The following NT5C2 variants were observed in gnomAD, a reference collection of about 807,000 sequenced individuals.
The protein encoded by NT5C2 is cytosolic purine 5'-nucleotidase.
In NT5C2, 58 loss-of-function variants were observed where a neutral mutation model predicts 76.1. The observed-to-expected ratio is 0.76, with a 90% CI of 0.62 to 0.95. The LOEUF (loss-of-function observed/expected upper bound fraction) is 0.95, where lower values mean the gene tolerates loss of function less well. Among genes scored for constraint, NT5C2 ranks in the 40% least tolerant of loss-of-function variants. The pLI is 0.00. For missense variants in NT5C2, 478 were observed against 690.3 expected, an observed-to-expected ratio of 0.69 and a Z score of 3.45; for synonymous variants, 229 against 237.4, an observed-to-expected ratio of 0.96 and a Z score of 0.32.
chr10:103,120,714 T>G (rs1351392562), intron 4 of NT5C2, among the ~76,000 whole-genome samples: 1 of 152,240 alleles, frequency 6.6e-6, no homozygotes, highest in Non-Finnish European at 1.5e-5. Context: ...TTACAGCCAC[T>G]ATAGAGAACA....
chr10:103,161,421 T>C (rs2084850429), intron 3 of NT5C2, among the ~76,000 whole-genome samples: 1 of 152,118 alleles, frequency 6.6e-6, no homozygotes, highest in Non-Finnish European at 1.5e-5. Flanking sequence ...TATGATGCAA[T>C]TTGCCCGTCT....
Position 103,089,585 on chromosome 10 carries a change from G to A in NT5C2, c.*87C>T, listed in dbSNP as rs1314101653. 2.1e-5 allele frequency: 31 copies of A among 1,444,532 alleles called. No individual in the cohort carries two copies. In the East Asian group the frequency reaches 2.5e-4, roughly 12 times the overall value. The allele number at this position is 1,444,532 out of a possible 1,614,324, so 89.5% of individuals were successfully genotyped here. A position where few individuals can be genotyped will look rare whatever the true frequency, so the allele number is the denominator to read the frequency against. On this transcript the variant is annotated 3_prime_UTR_variant, in exon 19 of 19. Transcript: ENST00000404739. ...TTTCATGGAGCCCCCTCCCTCCCCCGAGTAGAACCCTAACAGGGACCTCGT... is the reference window on the plus strand; with the variant it reads ...TTTCATGGAGCCCCCTCCCTCCCCCAAGTAGAACCCTAACAGGGACCTCGT...
At chr10:103,101,992 T>C (rs1446266719) in intron 6 of NT5C2, among the ~76,000 whole-genome samples, 45 of 152,064 alleles carry the variant, frequency 3.0e-4, no homozygotes, top group Admixed American at 2.9e-3. Context: ...TTCTACACCA[T>C]TTAGGGGCAA....
Position 103,093,690 on chromosome 10 carries a change from T to C in NT5C2, c.988+282A>G, listed in dbSNP as rs1278914575. ...TCCTTGAGAAACCCTTGAGAACATA[T>C]TGAGAAGTACCCCCAAGTGATTCGA... On this transcript the variant is annotated intron_variant, in intron 14 of 18. Coordinates refer to ENST00000404739, the MANE Select transcript of NT5C2 (RefSeq NM_001351169.2). The C allele has an allele frequency of 6.9e-6, 3 of 435,788 alleles. No individual in the cohort carries two copies. The East Asian group carries it at 1.1e-4, about 16-fold the overall frequency. 27.0% of individuals were successfully genotyped at this position (435,788 alleles called of 1,614,324 possible).
At chr10:103,093,740 G>T in intron 14 of NT5C2, 1 of 498,568 alleles carries the variant, frequency 2.0e-6, no homozygotes, top group South Asian at 3.4e-5. Context: ...GCCTCCAATA[G>T]GATTTAAAAA....
intron 2 of NT5C2, among the ~76,000 whole-genome samples, chr10:103,175,307 T>C (rs985414199): frequency 3.9e-5 from 6 of 152,200 alleles, no homozygotes; most frequent in Non-Finnish European, 5.9e-5. Context: ...TGAAGATATA[T>C]AATTTTAAGT....
chr10:103,089,578 C>A lies in NT5C2; in HGVS notation c.*94G>T. Reference sequence around the variant, plus strand: ...ACGTACCTTTCATGGAGCCCCCTCCCTCCCCCGAGTAGAACCCTAACAGGG... The same window carrying A: ...ACGTACCTTTCATGGAGCCCCCTCCATCCCCCGAGTAGAACCCTAACAGGG... On this transcript the variant is annotated 3_prime_UTR_variant, in exon 19 of 19. Transcript: ENST00000404739. 1 of 1,432,352 alleles carries A rather than the reference C, an allele frequency of 7.0e-7. No individual in the cohort carries two copies. The highest frequency in any genetic ancestry group is 9.2e-7 in the Non-Finnish European group (1 of 1,091,274). 88.7% of individuals were successfully genotyped at this position (1,432,352 alleles called of 1,614,324 possible). A position where few individuals can be genotyped will look rare whatever the true frequency, so the allele number is the denominator to read the frequency against.
intron 6 of NT5C2, among the ~76,000 whole-genome samples, chr10:103,104,088 T>G (rs1040587790): frequency 2.0e-5 from 3 of 152,230 alleles, no homozygotes; most frequent in Admixed American, 1.3e-4. Flanking sequence ...TCAAGAAGTC[T>G]TCTTGCCTTG....
chr10:103,129,824 T>A (rs2077688431), intron 4 of NT5C2, among the ~76,000 whole-genome samples: 1 of 79,494 alleles, frequency 1.3e-5, no homozygotes. Flanking sequence ...CGGCCGCCCC[T>A]ACTGGGAAGT....
chr10:103,177,969 C>G (rs1423171032), intron 2 of NT5C2, among the ~76,000 whole-genome samples: 1 of 152,216 alleles, frequency 6.6e-6, no homozygotes, highest in Non-Finnish European at 1.5e-5. Context: ...AACAACCAAT[C>G]TGGACTCTGT....
Position 103,193,253 on chromosome 10 carries a change from A to C in NT5C2, c.-186T>G, listed in dbSNP as rs868741214. ...GCACTCACCGGCTCCAGCGCACCGC[A>C]ACAATCCCAGCGCGCAACTGCCGCA... On this transcript the variant is annotated 5_prime_UTR_variant, in exon 1 of 19. Coordinates refer to ENST00000404739, the MANE Select transcript of NT5C2 (RefSeq NM_001351169.2). 2.4e-4 allele frequency: 37 copies of C among 151,250 alleles called. No homozygotes were observed. The highest frequency in any genetic ancestry group is 2.0e-3 in the South Asian group (11 of 5,606). 9.4% of individuals were successfully genotyped at this position (151,250 alleles called of 1,614,324 possible). A position where few individuals can be genotyped will look rare whatever the true frequency, so the allele number is the denominator to read the frequency against.
Position 103,096,000 on chromosome 10 carries a change from A to AT in NT5C2, c.772-21dup. On this transcript the variant is annotated intron_variant, in intron 11 of 18. Coordinates refer to ENST00000404739, the MANE Select transcript of NT5C2 (RefSeq NM_001351169.2). Reference sequence around the variant, plus strand: ...AATTTTCTGGAAAAAAAAATTTAACATAAGGTCCATATACTACTTTTGCAA... The same window carrying AT: ...AATTTTCTGGAAAAAAAAATTTAACATTAAGGTCCATATACTACTTTTGCAA... The AT allele has an allele frequency of 6.3e-7, 1 of 1,599,574 alleles. No homozygotes were observed. Among genetic ancestry groups the AT allele is most frequent in the Non-Finnish European group, 8.6e-7 (1 of 1,166,848 alleles).
chr10:103,174,823 A>G, intron 3 of NT5C2, 35 bp downstream of exon 3: 1 of 1,333,942 alleles, frequency 7.5e-7, no homozygotes, highest in Non-Finnish European at 1.1e-6. Context: ...CACTTCATAG[A>G]GGGGTTTTGA....
intron 3 of NT5C2, among the ~76,000 whole-genome samples, chr10:103,167,450 A>C (rs919898671): frequency 6.6e-6 from 1 of 152,198 alleles, no homozygotes; most frequent in Middle Eastern, 3.2e-3. Context: ...ACCAATACTA[A>C]AATGACAGTT....
At chr10:103,133,812 T>C (rs1306528237) in intron 4 of NT5C2, among the ~76,000 whole-genome samples, 1 of 152,160 alleles carries the variant, frequency 6.6e-6, no homozygotes, top group Non-Finnish European at 1.5e-5. Flanking sequence ...GACAAAAATA[T>C]TGATAGTGAC....
At chr10:103,154,268 A>T (rs919705472) in intron 3 of NT5C2, among the ~76,000 whole-genome samples, 2 of 152,178 alleles carry the variant, frequency 1.3e-5, no homozygotes, top group Admixed American at 1.3e-4. Context: ...ATTAAGGCTT[A>T]AAATTTTTAA....
intron 4 of NT5C2, among the ~76,000 whole-genome samples, chr10:103,123,472 C>T (rs898693916): frequency 3.9e-5 from 6 of 152,084 alleles, no homozygotes; most frequent in African/African-American, 1.4e-4. Context: ...CTCACAGCCT[C>T]CCAAAGCACT....
At chr10:103,189,050 C>T (rs2092384358) in intron 1 of NT5C2, among the ~76,000 whole-genome samples, 1 of 150,118 alleles carries the variant, frequency 6.7e-6, no homozygotes, top group East Asian at 1.9e-4. Flanking sequence ...GTACTATGTG[C>T]TTGGAAAGAG....
chr10:103,104,641 C>A (rs1396398263), intron 6 of NT5C2, among the ~76,000 whole-genome samples: 1 of 152,138 alleles, frequency 6.6e-6, no homozygotes, highest in Non-Finnish European at 1.5e-5. Flanking sequence ...TTACTTCACA[C>A]CGTTCTCATG....
Sources: allele counts gnomAD v4.1 joint callset (sites outside exome capture counted in the v4.1 genomes callset), GRCh38; gene constraint gnomAD v4.1.1; transcripts MANE v1.5; gene names NCBI Gene and HGNC (gene_info 2026-07-23, HGNC 2026-07-21).